Variants in IPO11 observed in about 807,000 individuals in gnomAD.
IPO11 encodes the protein importin 11, also known as importin-11.
In IPO11, 66 loss-of-function variants were observed where a neutral mutation model predicts 143.2. That is an observed-to-expected ratio of 0.46 (90% CI 0.38 to 0.57). The LOEUF is 0.57. IPO11 is among the 20% of genes least tolerant of loss of function. IPO11 has a pLI of 0.00. For synonymous variants in IPO11, 385 were observed against 377.8 expected, an observed-to-expected ratio of 1.02 and a Z score of -0.22; for missense variants, 1,026 against 1,141.0, an observed-to-expected ratio of 0.90 and a Z score of 1.45.
rs1035051095 is a variant in IPO11, at chr5:62,607,718, C to T, written c.2763+5870C>T. Among the ~76,000 whole-genome samples the T allele has an allele frequency of 2.6e-5, 4 of 151,962 alleles. No homozygotes were observed. The South Asian group carries it at 8.3e-4, about 32-fold the overall frequency. On this transcript the variant is annotated intron_variant, in intron 29 of 29. Coordinates refer to ENST00000325324, the MANE Select transcript of IPO11 (RefSeq NM_016338.5). The stretch of plus-strand genomic sequence containing the variant: ...AGTATTCAGCTTACATGCAGTCCAC[C>T]CAGGTTATGAGTTGAGAGACCTTTT...
At chr5:62,613,077 T>G (rs906161396) in intron 29 of IPO11, among the ~76,000 whole-genome samples, 1 of 152,224 alleles carries the variant, frequency 6.6e-6, no homozygotes, top group Admixed American at 6.5e-5. Flanking sequence ...TTTTGTTGTT[T>G]AATGTACTTT....
chr5:62,534,551 G>A (rs1742671252), intron 22 of IPO11, among the ~76,000 whole-genome samples: 2 of 152,124 alleles, frequency 1.3e-5, no homozygotes, highest in Admixed American at 1.3e-4. Context: ...TATGCACAGT[G>A]CATAACTAAA....
Position 62,537,234 on chromosome 5 carries a change from C to A in IPO11, c.2195C>A (p.Ser732Tyr). Residue 732 changes from serine to tyrosine, a missense_variant, in exon 24 of 30, where the codon TCC (serine) becomes TAC (tyrosine). Ser to Tyr is a moderately radical substitution (Grantham distance 144, BLOSUM62 -2). Coordinates refer to ENST00000325324, the MANE Select transcript of IPO11 (RefSeq NM_016338.5). ...ACATACGCAGTAGGTCTATGCCAGTCCTTTTGTGAACTTTTAAAGGAAATT... is the reference window on the plus strand; with the variant it reads ...ACATACGCAGTAGGTCTATGCCAGTACTTTTGTGAACTTTTAAAGGAAATT... ...LQTYAVGLCQSFCELLKEITT... is the reference protein window; with the variant it reads ...LQTYAVGLCQYFCELLKEITT... The A allele has an allele frequency of 6.2e-7, 1 of 1,606,506 alleles. No individual in the cohort carries two copies. Among genetic ancestry groups the A allele is most frequent in the East Asian group, 2.2e-5 (1 of 44,708 alleles).
intron 26 of IPO11, among the ~76,000 whole-genome samples, chr5:62,552,886 T>G (rs777835476): frequency 6.6e-5 from 10 of 152,330 alleles, no homozygotes; most frequent in Middle Eastern, 3.4e-3. Flanking sequence ...TTTCTATACA[T>G]ACAGCATATA....
At position 62,528,777 on chromosome 5, in the gene IPO11, G is replaced by T. The variant is rs556176688; in HGVS notation, c.2013-1932G>T. Among the ~76,000 whole-genome samples the T allele has an allele frequency of 1.1e-4, 16 of 152,252 alleles. No homozygotes were observed. The East Asian group carries it at 3.1e-3, about 29-fold the overall frequency. ...AGTGTGCACAAGATATGAGAGGTCT[G>T]TAGGTGAGAGAAGGTATAAAGTAGA... is the stretch of plus-strand genomic sequence containing the variant. On this transcript the variant is annotated intron_variant, in intron 21 of 29. Coordinates refer to ENST00000325324, the MANE Select transcript of IPO11 (RefSeq NM_016338.5).
At chr5:62,500,863 A>G (rs1409061515) in intron 16 of IPO11, among the ~76,000 whole-genome samples, 2 of 152,174 alleles carry the variant, frequency 1.3e-5, no homozygotes, top group Admixed American at 1.3e-4. Flanking sequence ...CATCACCGCA[A>G]ATGCATAGGT....
intron 2 of IPO11, among the ~76,000 whole-genome samples, chr5:62,441,495 CCTT>C (rs1744474010): frequency 1.0e-5 from 1 of 96,760 alleles, no homozygotes; most frequent in Non-Finnish European, 2.0e-5. Context: ...CTGTGCCTGG[CCTT>C]TTTTTTTTTT....
intron 29 of IPO11, among the ~76,000 whole-genome samples, chr5:62,616,316 T>A (rs1746132094): frequency 6.6e-6 from 1 of 152,184 alleles, no homozygotes; most frequent in Non-Finnish European, 1.5e-5. Flanking sequence ...TTCTTAGATG[T>A]GGCTAAGCAC....
At chr5:62,419,343 A>T (rs188974661) in intron 1 of IPO11, among the ~76,000 whole-genome samples, 137 of 152,136 alleles carry the variant, frequency 9.0e-4, no homozygotes, top group African/African-American at 3.2e-3. Flanking sequence ...TTATTAAGAA[A>T]TTTTTTTCTT....
At chr5:62,531,945 A>G (rs917981167) in intron 22 of IPO11, among the ~76,000 whole-genome samples, 5 of 152,124 alleles carry the variant, frequency 3.3e-5, no homozygotes, top group African/African-American at 1.2e-4. Context: ...GAAAAAGAGA[A>G]TAGGGTTCTT....
At chr5:62,612,932 G>T (rs1745980238) in intron 29 of IPO11, among the ~76,000 whole-genome samples, 1 of 152,230 alleles carries the variant, frequency 6.6e-6, no homozygotes, top group Non-Finnish European at 1.5e-5. Context: ...AAAATTCTTA[G>T]AAGTAGATAT....
chr5:62,493,923 A>G lies in IPO11; in HGVS notation c.1464-75A>G, dbSNP rs570160201. The stretch of plus-strand genomic sequence containing the variant: ...CATTCTTACTACATTTTAGATTTAA[A>G]TGATAAATTATACTAAAAGAAATAG... On this transcript the variant is annotated intron_variant, in intron 15 of 29. Coordinates refer to ENST00000325324, the MANE Select transcript of IPO11 (RefSeq NM_016338.5). 42 of 1,303,248 alleles carry G rather than the reference A, an allele frequency of 3.2e-5. No homozygotes were observed. The South Asian group carries it at 3.3e-4, about 10-fold the overall frequency. The allele number at this position is 1,303,248 out of a possible 1,614,324, so 80.7% of individuals were successfully genotyped here.
At chr5:62,586,265 A>C (rs1056812030) in intron 27 of IPO11, among the ~76,000 whole-genome samples, 1 of 152,174 alleles carries the variant, frequency 6.6e-6, no homozygotes, top group African/African-American at 2.4e-5. Flanking sequence ...TTGCTTTAGA[A>C]ATATTTTTTC....
At position 62,563,769 on chromosome 5, in the gene IPO11, T is replaced by A. The variant is rs890920419; in HGVS notation, c.2582+2512T>A. The stretch of plus-strand genomic sequence containing the variant: ...GTGAAATTTTCCACTTGTAGCAGTA[T>A]TCTGGCACTCAAAAAAATCTCAGAT... On this transcript the variant is annotated intron_variant, in intron 27 of 29. Transcript: ENST00000325324. Among the ~76,000 whole-genome samples, 5 of 152,158 alleles carry A rather than the reference T, an allele frequency of 3.3e-5. 1 individual carries two copies. Among genetic ancestry groups the A allele is most frequent in the African/African-American group, 1.2e-4 (5 of 41,442 alleles).
chr5:62,627,506 C>T lies in IPO11; in HGVS notation c.*188C>T, dbSNP rs1746628739. On this transcript the variant is annotated 3_prime_UTR_variant, in exon 30 of 30. Transcript: ENST00000325324. The stretch of plus-strand genomic sequence containing the variant: ...CATAACTAAAATCACAAACCTATTC[C>T]TCAAAAGAATTTAATTTTATATTTA... 1 of 475,294 alleles carries T rather than the reference C, an allele frequency of 2.1e-6. No individual in the cohort carries two copies. The highest frequency in any genetic ancestry group is 3.6e-6 in the Non-Finnish European group (1 of 280,464). 29.4% of individuals were successfully genotyped at this position (475,294 alleles called of 1,614,324 possible).
rs541528381 is a variant in IPO11, at chr5:62,628,372, G to A, written c.*1054G>A. 24 of 152,536 alleles carry A rather than the reference G, an allele frequency of 1.6e-4. No individual in the cohort carries two copies. Among genetic ancestry groups the A allele is most frequent in the Admixed American group, 1.5e-3 (23 of 15,276 alleles). 9.4% of individuals were successfully genotyped at this position (152,536 alleles called of 1,614,324 possible). A position where few individuals can be genotyped will look rare whatever the true frequency, so the allele number is the denominator to read the frequency against. On this transcript the variant is annotated 3_prime_UTR_variant, in exon 30 of 30. Coordinates refer to ENST00000325324, the MANE Select transcript of IPO11 (RefSeq NM_016338.5). ...TACTTTGTTTTACTTGCCATTTATT[G>A]TAAGGAAACTTTAAAGCATTTTTTA...
intron 19 of IPO11, among the ~76,000 whole-genome samples, chr5:62,508,766 C>G (rs1055955320): frequency 6.6e-6 from 1 of 152,130 alleles, no homozygotes; most frequent in African/African-American, 2.4e-5. Flanking sequence ...CACCACTCGC[C>G]CCCAACAGGC....
chr5:62,597,565 C>T (rs1745270686), intron 28 of IPO11, among the ~76,000 whole-genome samples: 1 of 152,174 alleles, frequency 6.6e-6, no homozygotes, highest in East Asian at 1.9e-4. Context: ...CAGTTGGCCA[C>T]CTATGATTGG....
intron 29 of IPO11, among the ~76,000 whole-genome samples, chr5:62,608,728 T>C (rs1272648842): frequency 6.6e-6 from 1 of 152,188 alleles, no homozygotes; most frequent in Non-Finnish European, 1.5e-5. Flanking sequence ...TACCACAGTG[T>C]TAAATTTGTT....
Sources: allele counts gnomAD v4.1 joint callset (sites outside exome capture counted in the v4.1 genomes callset), GRCh38; gene constraint gnomAD v4.1.1; transcripts MANE v1.5; gene names NCBI Gene and HGNC (gene_info 2026-07-23, HGNC 2026-07-21).